Variants in CCNJL observed in about 807,000 individuals in gnomAD.
The protein encoded by CCNJL is cyclin J like, also known as cyclin-J-like protein.
Under a neutral mutation model 33.4 loss-of-function variants are expected in CCNJL, and 33 were observed. The ratio of observed to expected loss-of-function variants is 0.99; its 90% CI spans 0.75 to 1.32. The LOEUF is 1.32. Ranked by LOEUF, CCNJL falls within the 40% of genes most tolerant of loss-of-function variation. The pLI is 0.00. For synonymous variants in CCNJL, 227 were observed against 220.9 expected, an observed-to-expected ratio of 1.03 and a Z score of -0.24; for missense variants, 512 against 499.7, an observed-to-expected ratio of 1.02 and a Z score of -0.23.
intron 2 of CCNJL, among the ~76,000 whole-genome samples, chr5:160,287,999 G>A (rs530390953): frequency 2.0e-5 from 3 of 152,302 alleles, no homozygotes; most frequent in African/African-American, 2.4e-5. Flanking sequence ...CCCATCTGCC[G>A]CAGGAGTATC....
chr5:160,271,129 A>G (rs1298023029), intron 3 of CCNJL, among the ~76,000 whole-genome samples: 3 of 152,180 alleles, frequency 2.0e-5, no homozygotes, highest in Non-Finnish European at 4.4e-5. Flanking sequence ...ATAATCTCTA[A>G]TCTTAGCACC....
At position 160,251,425 on chromosome 5, in the gene CCNJL, A is replaced by T. The variant is rs144650010; in HGVS notation, c.*1953T>A. ...ATATATCCTACTGGTTTCTTTGGAA[A>T]AACCCTGAGACGGTGATGGAGCTGG... On this transcript the variant is annotated 3_prime_UTR_variant, in exon 6 of 6. Transcript: ENST00000257536. 2.0e-4 allele frequency: 30 copies of T among 152,334 alleles called. No individual in the cohort carries two copies. Among genetic ancestry groups the T allele is most frequent in the African/African-American group, 7.2e-4 (30 of 41,572 alleles). The allele number at this position is 152,334 out of a possible 1,614,324, so 9.4% of individuals were successfully genotyped here.
chr5:160,286,904 GTCT>G (rs1420579402), intron 2 of CCNJL, among the ~76,000 whole-genome samples: 1 of 152,094 alleles, frequency 6.6e-6, no homozygotes, highest in African/African-American at 2.4e-5. Flanking sequence ...TCTCTTGGTA[GTCT>G]TCTCTTTGTG....
intron 1 of CCNJL, among the ~76,000 whole-genome samples, chr5:160,319,564 T>C (rs569189913): frequency 1.5e-4 from 23 of 152,286 alleles, no homozygotes; most frequent in African/African-American, 5.5e-4. Flanking sequence ...CCTGTATCTT[T>C]TCCGTATTTG....
chr5:160,260,976 A>G (rs890637484), intron 3 of CCNJL: 2 of 152,286 alleles, frequency 1.3e-5, no homozygotes, highest in African/African-American at 4.8e-5. Flanking sequence ...TGGGGTGTGG[A>G]GCTGCCACTA....
At position 160,311,912 on chromosome 5, in the gene CCNJL, C is replaced by T; in HGVS notation, c.12G>A (p.Glu4=). Residue 4 remains glutamate (E), a synonymous_variant, in exon 2 of 6, where the codon GAG becomes GAA. Coordinates refer to ENST00000257536, the MANE Select transcript of CCNJL (RefSeq NM_001308173.3). MMD[E]PWWEGRVASD... ...AGGCGACGCGCCCTTCCCACCACGG[C>T]TCATCCATCATCGCGTACGCAGCGC... 1 of 1,614,160 alleles carries T rather than the reference C, an allele frequency of 6.2e-7. No individual in the cohort carries two copies. Among genetic ancestry groups the T allele is most frequent in the South Asian group, 1.1e-5 (1 of 91,086 alleles).
At chr5:160,256,376 T>C (rs1317929073) in intron 4 of CCNJL, among the ~76,000 whole-genome samples, 1 of 152,244 alleles carries the variant, frequency 6.6e-6, no homozygotes, top group African/African-American at 2.4e-5. Context: ...GACTTAAAGC[T>C]ACTTATTAAT....
chr5:160,332,807 C>T (rs1200470106), intron 1 of CCNJL, among the ~76,000 whole-genome samples: 2 of 152,014 alleles, frequency 1.3e-5, no homozygotes, highest in Non-Finnish European at 2.9e-5. Context: ...TCTCCTAGTC[C>T]TTAGCACTAT....
chr5:160,257,495 A>T (rs991488807), intron 4 of CCNJL, among the ~76,000 whole-genome samples: 11 of 151,434 alleles, frequency 7.3e-5, no homozygotes, highest in Admixed American at 4.6e-4. Flanking sequence ...AATAAAAAAT[A>T]AAATAAAATC....
intron 2 of CCNJL, among the ~76,000 whole-genome samples, chr5:160,299,746 T>C (rs1335079027): frequency 6.6e-6 from 1 of 152,098 alleles, no homozygotes; most frequent in Non-Finnish European, 1.5e-5. Context: ...CTTTCCACAT[T>C]TGTGTTATCT....
chr5:160,319,486 C>T (rs760917218), intron 1 of CCNJL, among the ~76,000 whole-genome samples: 26 of 152,170 alleles, frequency 1.7e-4, no homozygotes, highest in Non-Finnish European at 3.4e-4. Context: ...TTATCCATTG[C>T]CTTTCTTTCT....
intron 1 of CCNJL, among the ~76,000 whole-genome samples, chr5:160,319,197 A>G (rs1763411567): frequency 6.6e-6 from 1 of 152,134 alleles, no homozygotes; most frequent in African/African-American, 2.4e-5. Context: ...ACTGTGGCCT[A>G]GAACTCCTGG....
chr5:160,257,013 TAA>T (rs1019233039), intron 4 of CCNJL, among the ~76,000 whole-genome samples: 1 of 151,890 alleles, frequency 6.6e-6, no homozygotes, highest in African/African-American at 2.4e-5. Context: ...ACAACAAATT[TAA>T]AAAATAAAGT....
intron 2 of CCNJL, among the ~76,000 whole-genome samples, chr5:160,292,658 A>C (rs766883101): frequency 6.9e-6 from 1 of 144,136 alleles, no homozygotes; most frequent in Non-Finnish European, 1.5e-5. Context: ...TATATGTAAC[A>C]TGTGTGTGTA....
At position 160,259,751 on chromosome 5, in the gene CCNJL, C is replaced by T. The variant is rs766467769; in HGVS notation, c.301G>A (p.Asp101Asn). Reference sequence around the variant, plus strand: ...ATTTGCTCCAACTTGGGGACGTGGTCTTCCCGATCCTCGAACTTACCTGTC... The same window carrying T: ...ATTTGCTCCAACTTGGGGACGTGGTTTTCCCGATCCTCGAACTTACCTGTC... ...LLASKFEDREDHVPKLEQINS... is the reference protein window; with the variant it reads ...LLASKFEDRENHVPKLEQINS... The change falls in exon 4 of 6, where the codon GAC becomes AAC. Residue 101 changes from aspartate (D) to asparagine (N), a missense_variant. Asp to Asn is a conservative substitution (Grantham distance 23). Transcript: ENST00000257536. 3.7e-6 allele frequency: 6 copies of T among 1,609,554 alleles called. No homozygotes were observed. Among genetic ancestry groups the T allele is most frequent in the Admixed American group, 1.7e-5 (1 of 59,854 alleles).
At chr5:160,259,236 G>C (rs905441224) in intron 4 of CCNJL, among the ~76,000 whole-genome samples, 1 of 152,226 alleles carries the variant, frequency 6.6e-6, no homozygotes, top group African/African-American at 2.4e-5. Context: ...TGATCTGTAA[G>C]TTTCTAGGTT....
rs374998179 is a variant in CCNJL at position 160,309,695 on chromosome 5, C to A, written c.66+2163G>T. Reference sequence around the variant, plus strand: ...CCATGAAGCCAAATTTTTGAAGAAGCATTTTCTTCTTTGAAGTGGGAGAGG... The same window carrying A: ...CCATGAAGCCAAATTTTTGAAGAAGAATTTTCTTCTTTGAAGTGGGAGAGG... On this transcript the variant is annotated intron_variant, in intron 2 of 5. Transcript: ENST00000257536. Among the ~76,000 whole-genome samples, 300 of 152,282 alleles carry A rather than the reference C, an allele frequency of 2.0e-3. 3 individuals are homozygous for A. Among genetic ancestry groups the A allele is most frequent in the African/African-American group, 6.7e-3 (279 of 41,564 alleles).
At chr5:160,267,606 C>CA (rs1463662267) in intron 3 of CCNJL, among the ~76,000 whole-genome samples, 1 of 152,180 alleles carries the variant, frequency 6.6e-6, no homozygotes, top group Non-Finnish European at 1.5e-5. Context: ...CTATAAGCTC[C>CA]ATAATAAGTG....
intron 3 of CCNJL, among the ~76,000 whole-genome samples, chr5:160,273,807 C>T (rs1182051544): frequency 2.6e-5 from 4 of 151,960 alleles, no homozygotes; most frequent in East Asian, 1.9e-4. Flanking sequence ...CCACCACAAC[C>T]GGCTAATTTT....
Sources: gnomAD v4.1 joint callset for allele counts (sites outside exome capture counted in the v4.1 genomes callset) on GRCh38, gnomAD v4.1.1 for gene constraint, MANE v1.5 for transcripts, NCBI Gene and HGNC (gene_info 2026-07-23, HGNC 2026-07-21) for gene names.